The following CACNA1C variants were observed in gnomAD, a reference collection of about 807,000 sequenced individuals.
The protein encoded by CACNA1C is voltage-dependent L-type calcium channel subunit alpha-1C.
In CACNA1C, 30 loss-of-function variants were observed where a neutral mutation model predicts 229.0. The observed-to-expected ratio is 0.13, with a 90% CI of 0.10 to 0.18. The LOEUF (loss-of-function observed/expected upper bound fraction) is 0.18, where lower values mean the gene tolerates loss of function less well. CACNA1C is among the 10% of genes least tolerant of loss of function. CACNA1C has a pLI of 1.00. For synonymous variants in CACNA1C, 1,114 were observed against 1,132.5 expected (o/e 0.98, Z 0.33); for missense variants, 1,658 against 2,845.0 (o/e 0.58, Z 9.49).
At chr12:2,166,183 C>A (rs1359774749) in intron 3 of CACNA1C, among the ~76,000 whole-genome samples, 1 of 152,202 alleles carries the variant, frequency 6.6e-6, no homozygotes, top group Non-Finnish European at 1.5e-5. Context: ...TTCTGTGCTG[C>A]TGGGATGATG....
chr12:2,500,929 G>A lies in CACNA1C; in HGVS notation c.1114-3913G>A, dbSNP rs369436838. ...CCCTCTCAAAAAAGTAAAGCAGGCC[G>A]GGGGCAGTGGCTCATGCCTGTAATC... On this transcript the variant is annotated intron_variant, in intron 7 of 46. Transcript: ENST00000399655. Among the ~76,000 whole-genome samples the A allele has an allele frequency of 3.7e-4, 56 of 152,076 alleles. 1 individual carries two copies. In the South Asian group the frequency reaches 0.01, roughly 28 times the overall value.
chr12:2,207,889 G>C (rs918852540), intron 3 of CACNA1C, among the ~76,000 whole-genome samples: 1 of 152,116 alleles, frequency 6.6e-6, no homozygotes, highest in Non-Finnish European at 1.5e-5. Context: ...CTGACTTTCG[G>C]GAAAGTCTTA....
chr12:2,215,194 T>C lies in CACNA1C; in HGVS notation c.477+94764T>C, dbSNP rs1009464258. The stretch of plus-strand genomic sequence containing the variant: ...AGAGACATGTCAATCTGAGTCCCTT[T>C]GCTTGGATTTAATCTGCTATTTGTG... On this transcript the variant is annotated intron_variant, in intron 3 of 46. Coordinates refer to ENST00000399655, the MANE Select transcript of CACNA1C (RefSeq NM_000719.7). This position sits in a 1 kb window ranked among gnomAD's most constrained non-coding sequence, Gnocchi z 5.0. Among the ~76,000 whole-genome samples the C allele has an allele frequency of 6.6e-6, 1 of 152,218 alleles. No homozygotes were observed. Among genetic ancestry groups the C allele is most frequent in the Admixed American group, 6.5e-5 (1 of 15,292 alleles).
chr12:2,094,713 A>C (rs2073040169), intron 1 of CACNA1C, among the ~76,000 whole-genome samples: 1 of 152,162 alleles, frequency 6.6e-6, no homozygotes, highest in Non-Finnish European at 1.5e-5. Context: ...CCACTCAAAA[A>C]AGTGACTCAA....
At chr12:2,447,045 A>G (rs926102013) in intron 3 of CACNA1C, among the ~76,000 whole-genome samples, 2 of 152,234 alleles carry the variant, frequency 1.3e-5, no homozygotes, top group South Asian at 4.2e-4. Context: ...CCTGTCATCT[A>G]GTGGCAGACA....
At chr12:2,509,983 A>AAGGG (rs1380861400) in intron 8 of CACNA1C, among the ~76,000 whole-genome samples, 1 of 152,210 alleles carries the variant, frequency 6.6e-6, no homozygotes, top group Non-Finnish European at 1.5e-5. Flanking sequence ...TCGATGATCA[A>AAGGG]AGGGCCTAGC....
chr12:2,540,169 G>A (rs1275033725), intron 9 of CACNA1C, among the ~76,000 whole-genome samples: 2 of 152,174 alleles, frequency 1.3e-5, no homozygotes, highest in Non-Finnish European at 1.5e-5. Flanking sequence ...CAAGCAGGAA[G>A]CAAGGTCAGC....
intron 9 of CACNA1C, among the ~76,000 whole-genome samples, chr12:2,548,836 C>T (rs544712454): frequency 6.6e-6 from 1 of 152,158 alleles, no homozygotes; most frequent in Non-Finnish European, 1.5e-5. Flanking sequence ...CACCAGAGGC[C>T]ACTCCCTCAA....
At chr12:2,658,935 T>C (rs1271834112) in intron 34 of CACNA1C, among the ~76,000 whole-genome samples, 2 of 152,102 alleles carry the variant, frequency 1.3e-5, no homozygotes, top group Non-Finnish European at 2.9e-5. Context: ...CTGTACAATG[T>C]GTATTTTAAG....
intron 3 of CACNA1C, among the ~76,000 whole-genome samples, chr12:2,135,776 C>A (rs1330708650): frequency 3.4e-5 from 5 of 146,602 alleles, no homozygotes; most frequent in Admixed American, 2.0e-4. Context: ...CTGTGCCCTG[C>A]CCCCAGAGGT....
At chr12:2,444,422 A>G (rs2154561672) in intron 3 of CACNA1C, among the ~76,000 whole-genome samples, 2 of 152,158 alleles carry the variant, frequency 1.3e-5, no homozygotes, top group Middle Eastern at 6.8e-3. Flanking sequence ...TTTCTTGGGG[A>G]TGAGGTTTCT....
intron 42 of CACNA1C, chr12:2,680,668 G>A (rs2097103713): frequency 1.8e-6 from 2 of 1,105,804 alleles, no homozygotes; most frequent in Non-Finnish European, 2.6e-6. Flanking sequence ...CAAGGAGCAG[G>A]CACACCTGCC....
intron 5 of CACNA1C, among the ~76,000 whole-genome samples, chr12:2,462,993 A>G (rs1488773855): frequency 5.5e-5 from 8 of 146,198 alleles, no homozygotes; most frequent in African/African-American, 1.0e-4. Flanking sequence ...GCTCACTGTA[A>G]GCTCCGCCTC....
chr12:2,007,757 A>G (rs1242271773), intron 1 of CACNA1C, among the ~76,000 whole-genome samples: 1 of 152,094 alleles, frequency 6.6e-6, no homozygotes, highest in East Asian at 1.9e-4. Flanking sequence ...ACACATTCCT[A>G]TCTCTGTACC....
intron 6 of CACNA1C, among the ~76,000 whole-genome samples, chr12:2,491,588 T>A (rs949814640): frequency 6.8e-6 from 1 of 147,852 alleles, no homozygotes; most frequent in African/African-American, 2.5e-5. Flanking sequence ...TATAAGTCAA[T>A]AAAGCTGATG....
chr12:2,634,380 C>T lies in CACNA1C; in HGVS notation c.3912C>T (p.Asn1304=), dbSNP rs1221384071. The change falls in exon 30 of 47, where the codon AAC becomes AAT. Residue 1304 remains asparagine (N), a splice_region_variant and synonymous_variant. Coordinates refer to ENST00000399655, the MANE Select transcript of CACNA1C (RefSeq NM_000719.7). ...TTGATATAGCAATCACCGAGGTAAA[C>T]GTAAGTACATGGCGTCTGTCCCTAA... is the stretch of plus-strand genomic sequence containing the variant. ...SIVDIAITEV[N]PAEHTQCSPS... 1.8e-5 allele frequency: 28 copies of T among 1,552,262 alleles called. No individual in the cohort carries two copies. Among genetic ancestry groups the T allele is most frequent in the Non-Finnish European group, 2.5e-5 (28 of 1,137,458 alleles).
chr12:2,664,774 C>G, intron 34 of CACNA1C, 51 bp from the exon 35 acceptor site: 1 of 1,480,262 alleles, frequency 6.8e-7, no homozygotes, highest in Admixed American at 2.1e-5. Context: ...GAGGGCCCTC[C>G]TTGGCATCTG....
At chr12:2,538,551 A>G (rs2099861316) in intron 9 of CACNA1C, among the ~76,000 whole-genome samples, 1 of 152,026 alleles carries the variant, frequency 6.6e-6, no homozygotes, top group Admixed American at 6.6e-5. Context: ...TCCTCAGTTC[A>G]CCCTCCGGTT....
At chr12:2,077,623 A>T (rs2063706845) in intron 1 of CACNA1C, among the ~76,000 whole-genome samples, 1 of 152,344 alleles carries the variant, frequency 6.6e-6, no homozygotes, top group South Asian at 2.1e-4. Context: ...ATGGCAGCCC[A>T]TAGAAGTTTG....
Sources: gnomAD v4.1 joint callset for allele counts (sites outside exome capture counted in the v4.1 genomes callset) on GRCh38, gnomAD v4.1.1 for gene constraint, Gnocchi (gnomAD v3.1) non-coding constraint, MANE v1.5 for transcripts, NCBI Gene and HGNC (gene_info 2026-07-23, HGNC 2026-07-21) for gene names.